The following EXOC2 variants were observed in gnomAD, a reference collection of about 807,000 sequenced individuals.
EXOC2 encodes the protein SEC5-like 1.
A neutral mutation model predicts 131.8 loss-of-function variants in EXOC2; 70 were observed. That is an observed-to-expected ratio of 0.53 (90% CI 0.44 to 0.65). The LOEUF (loss-of-function observed/expected upper bound fraction) is 0.65, where lower values mean the gene tolerates loss of function less well. Among genes scored for constraint, EXOC2 ranks in the 30% least tolerant of loss-of-function variants. The pLI, the probability that EXOC2 is intolerant of heterozygous loss-of-function variation, is 0.00. For synonymous variants in EXOC2, 411 were observed against 398.4 expected, an observed-to-expected ratio of 1.03 and a Z score of -0.38; for missense variants, 923 against 1,108.6, an observed-to-expected ratio of 0.83 and a Z score of 2.38.
At chr6:641,977 C>T (rs1393902540) in intron 1 of EXOC2, among the ~76,000 whole-genome samples, 1 of 152,124 alleles carries the variant, frequency 6.6e-6, no homozygotes, top group East Asian at 1.9e-4. Context: ...CAGCCCACAA[C>T]CTCCTCCACA....
At position 607,152 on chromosome 6, in the gene EXOC2, G is replaced by A. The variant is rs1264467100; in HGVS notation, c.742+2946C>T. Among the ~76,000 whole-genome samples, 10 of 152,316 alleles carry A rather than the reference G, an allele frequency of 6.6e-5. 1 individual carries two copies. The highest frequency in any genetic ancestry group is 2.0e-4 in the Admixed American group (3 of 15,302). On this transcript the variant is annotated intron_variant, in intron 7 of 27. Coordinates refer to ENST00000230449, the MANE Select transcript of EXOC2 (RefSeq NM_018303.6). The stretch of plus-strand genomic sequence containing the variant: ...CTATGGTGACTGCCCTGTGGGAACC[G>A]CAGTTCTCCACGGTGTTGCTGGGGG...
At chr6:502,031 G>T (rs192598643) in intron 23 of EXOC2, among the ~76,000 whole-genome samples, 1 of 152,136 alleles carries the variant, frequency 6.6e-6, no homozygotes, top group Non-Finnish European at 1.5e-5. Context: ...GGGCACTGGG[G>T]CCTGGCCTCG....
chr6:611,558 A>T (rs889863372), intron 6 of EXOC2, among the ~76,000 whole-genome samples: 3 of 152,268 alleles, frequency 2.0e-5, no homozygotes, highest in African/African-American at 7.2e-5. Context: ...TGACAGACTA[A>T]CTTCCTCCGC....
intron 9 of EXOC2, 130 bp downstream of exon 9, chr6:598,730 G>T (rs2127640555): frequency 6.8e-4 from 377 of 554,704 alleles, no homozygotes; most frequent in Middle Eastern, 1.8e-3. Flanking sequence ...TGAAGTAATT[G>T]CTTTACATTG....
At chr6:574,339 G>T (rs1581470739) in intron 12 of EXOC2, among the ~76,000 whole-genome samples, 2 of 152,272 alleles carry the variant, frequency 1.3e-5, no homozygotes, top group East Asian at 3.9e-4. Flanking sequence ...ACTTCCACCG[G>T]TGACACGTGC....
At chr6:535,442 G>A (rs1766380869) in intron 22 of EXOC2, among the ~76,000 whole-genome samples, 1 of 151,650 alleles carries the variant, frequency 6.6e-6, no homozygotes, top group African/African-American at 2.4e-5. Context: ...GACTGATGAA[G>A]AAATAAAGAA....
intron 4 of EXOC2, among the ~76,000 whole-genome samples, chr6:624,108 A>G (rs1439477907): frequency 1.3e-5 from 2 of 152,252 alleles, no homozygotes; most frequent in Admixed American, 1.3e-4. Flanking sequence ...ATGCCTAAAT[A>G]TACTGATCTT....
intron 10 of EXOC2, among the ~76,000 whole-genome samples, chr6:592,874 AC>A (rs1759619186): frequency 6.6e-6 from 1 of 152,032 alleles, no homozygotes; most frequent in Admixed American, 6.6e-5. Flanking sequence ...AAAAAAAAAT[AC>A]AAAAATTAGC....
At chr6:507,166 C>T (rs1764594211) in intron 23 of EXOC2, among the ~76,000 whole-genome samples, 1 of 44,128 alleles carries the variant, frequency 2.3e-5, no homozygotes, top group Non-Finnish European at 4.5e-5. Flanking sequence ...AGTGACCCCC[C>T]CACCCACACA....
chr6:525,753 T>A (rs1423394514), intron 23 of EXOC2, among the ~76,000 whole-genome samples: 3 of 152,214 alleles, frequency 2.0e-5, no homozygotes, highest in Non-Finnish European at 4.4e-5. Flanking sequence ...TTTCAAGATA[T>A]GTGTATACAT....
At chr6:501,133 T>C (rs1337900513) in intron 23 of EXOC2, among the ~76,000 whole-genome samples, 1 of 16,724 alleles carries the variant, frequency 6.0e-5, no homozygotes, top group Non-Finnish European at 1.3e-4. Flanking sequence ...ATATATTATA[T>C]ATATCTATAT....
chr6:691,080 T>C (rs925293419), intron 1 of EXOC2, among the ~76,000 whole-genome samples: 5 of 152,244 alleles, frequency 3.3e-5, no homozygotes, highest in African/African-American at 1.2e-4. Context: ...GAAAAGTAAC[T>C]GAGAGGACAC....
intron 22 of EXOC2, among the ~76,000 whole-genome samples, chr6:546,109 T>C: frequency 6.6e-6 from 1 of 152,290 alleles, no homozygotes; most frequent in East Asian, 1.9e-4. Context: ...TTATAGATTA[T>C]TTTAATTTTT....
intron 22 of EXOC2, among the ~76,000 whole-genome samples, chr6:532,863 C>G (rs1376468663): frequency 1.1e-4 from 17 of 152,038 alleles, no homozygotes; most frequent in Admixed American, 1.1e-3. Flanking sequence ...TAAAGAACTG[C>G]CCAAGATTAG....
intron 26 of EXOC2, among the ~76,000 whole-genome samples, chr6:489,455 G>A (rs1182000119): frequency 6.6e-6 from 1 of 152,152 alleles, no homozygotes; most frequent in Non-Finnish European, 1.5e-5. Flanking sequence ...ACAGTATTTG[G>A]CCTGCACAGG....
In EXOC2 at chr6:656,742, A is replaced by T. The variant is rs375917812; in HGVS notation, c.-43-18881T>A. ...ATCGAGATCTTCCGAGACACCTTCC[A>T]TGCGAAACTGCTGGAAGGCCCCCTG... On this transcript the variant is annotated intron_variant, in intron 1 of 27. Transcript: ENST00000230449. The T allele has an allele frequency of 3.1e-6, 5 of 1,590,584 alleles. No homozygotes were observed. Among genetic ancestry groups the T allele is most frequent in the Non-Finnish European group, 3.4e-6 (4 of 1,166,104 alleles).
chr6:680,825 T>G lies in EXOC2; in HGVS notation c.-44+12194A>C, dbSNP rs180746123. Among the ~76,000 whole-genome samples the G allele has an allele frequency of 3.3e-5, 5 of 152,318 alleles. No homozygotes were observed. The East Asian group carries it at 9.6e-4, about 29-fold the overall frequency. On this transcript the variant is annotated intron_variant, in intron 1 of 27. Coordinates refer to ENST00000230449, the MANE Select transcript of EXOC2 (RefSeq NM_018303.6). ...TGTGCCAAGCTCTCTGCCAGCAATC[T>G]TCAGTGGGCTTGCCTGGGCTTGTCA...
chr6:546,779 T>C (rs1286186271), intron 22 of EXOC2, among the ~76,000 whole-genome samples: 1 of 152,238 alleles, frequency 6.6e-6, no homozygotes, highest in Non-Finnish European at 1.5e-5. Flanking sequence ...ATAAACAAAA[T>C]ACATGCTGAT....
At chr6:660,718 C>T (rs956283342) in intron 1 of EXOC2, among the ~76,000 whole-genome samples, 2 of 152,042 alleles carry the variant, frequency 1.3e-5, no homozygotes, top group African/African-American at 4.8e-5. Context: ...AAAACCAACC[C>T]CGGTAATATG....
Sources: gnomAD v4.1 joint callset for allele counts (sites outside exome capture counted in the v4.1 genomes callset) on GRCh38, gnomAD v4.1.1 for gene constraint, MANE v1.5 for transcripts, NCBI Gene and HGNC (gene_info 2026-07-23, HGNC 2026-07-21) for gene names.